CNTNAP2: variants seen among roughly 807,000 people sequenced by gnomAD.
CNTNAP2 encodes contactin-associated protein-like 2.
CNTNAP2 carries 98 observed loss-of-function variants against 155.2 expected under a neutral mutation model. The observed-to-expected ratio is 0.63, with a 90% confidence interval of 0.54 to 0.75. The LOEUF is 0.75. Among genes scored for constraint, CNTNAP2 ranks in the 30% least tolerant of loss-of-function variants. CNTNAP2 has a pLI of 0.00. For synonymous variants in CNTNAP2, 651 were observed against 631.2 expected (o/e 1.03, Z -0.47); for missense variants, 1,727 against 1,688.1 (o/e 1.02, Z -0.40).
chr7:148,315,345 T>C (rs1797669847), intron 21 of CNTNAP2, among the ~76,000 whole-genome samples: 1 of 151,786 alleles, frequency 6.6e-6, no homozygotes, highest in African/African-American at 2.4e-5. Flanking sequence ...TTTATAAGAT[T>C]TGGGTAGGTA....
intron 1 of CNTNAP2, among the ~76,000 whole-genome samples, chr7:146,224,448 C>CA (rs1395248660): frequency 1.3e-5 from 2 of 150,664 alleles, no homozygotes; most frequent in Admixed American, 6.6e-5. Context: ...AAAAAAAACC[C>CA]AAAAAACTAA....
chr7:148,345,119 G>T (rs1296742044), intron 21 of CNTNAP2, among the ~76,000 whole-genome samples: 2 of 152,140 alleles, frequency 1.3e-5, no homozygotes, highest in Admixed American at 1.3e-4. Flanking sequence ...GAATTGGGAC[G>T]TTTAGCCTGA....
intron 11 of CNTNAP2, among the ~76,000 whole-genome samples, chr7:147,561,219 T>A (rs1376666945): frequency 6.6e-6 from 1 of 152,166 alleles, no homozygotes; most frequent in Non-Finnish European, 1.5e-5. Context: ...CAACAACCCC[T>A]AAGGAGTGTA....
chr7:147,712,895 A>AC (rs200236694), intron 13 of CNTNAP2, among the ~76,000 whole-genome samples: 2,506 of 152,254 alleles, frequency 0.016, 223 homozygotes, highest in Admixed American at 0.15. Flanking sequence ...AAGTATAATA[A>AC]TAAAAAAATT....
chr7:148,153,145 G>A (rs1009274069), intron 17 of CNTNAP2, among the ~76,000 whole-genome samples: 8 of 151,340 alleles, frequency 5.3e-5, no homozygotes, highest in South Asian at 4.2e-4. Context: ...GAAGCAGGAC[G>A]GAGTCAGCCA....
intron 1 of CNTNAP2, among the ~76,000 whole-genome samples, chr7:146,122,711 A>G (rs1797581714): frequency 6.6e-6 from 1 of 152,148 alleles, no homozygotes; most frequent in Non-Finnish European, 1.5e-5. Flanking sequence ...ATTATTTTAC[A>G]GAGATGCTTA....
At position 147,963,162 on chromosome 7, in the gene CNTNAP2, T is replaced by C. The variant is rs530035317; in HGVS notation, c.2256-14700T>C. Among the ~76,000 whole-genome samples the C allele has an allele frequency of 2.6e-5, 4 of 152,166 alleles. No individual in the cohort carries two copies. The South Asian group carries it at 8.3e-4, about 32-fold the overall frequency. Reference sequence around the variant, plus strand: ...GTAAAGAGGACATAATTATAAAGAGTATTACATCACTAGAGTTAGATTTTT... The same window carrying C: ...GTAAAGAGGACATAATTATAAAGAGCATTACATCACTAGAGTTAGATTTTT... On this transcript the variant is annotated intron_variant, in intron 14 of 23. Transcript: ENST00000361727.
intron 3 of CNTNAP2, among the ~76,000 whole-genome samples, chr7:146,876,740 C>G (rs1795437045): frequency 6.6e-6 from 1 of 152,100 alleles, no homozygotes; most frequent in Non-Finnish European, 1.5e-5. Context: ...TGTTGATTAT[C>G]AGGTCAACAA....
At chr7:148,123,701 AG>A in intron 16 of CNTNAP2, among the ~76,000 whole-genome samples, 49 of 151,580 alleles carry the variant, frequency 3.2e-4, no homozygotes, top group African/African-American at 1.1e-3. Flanking sequence ...AAAGAGAAAG[AG>A]AGAAACAGAG....
chr7:147,662,686 A>G (rs1475548052), intron 13 of CNTNAP2, among the ~76,000 whole-genome samples: 1 of 152,138 alleles, frequency 6.6e-6, no homozygotes, highest in East Asian at 1.9e-4. Context: ...TTAATAGTTC[A>G]TTATTTCTGT....
chr7:146,198,597 G>A (rs539962613), intron 1 of CNTNAP2, among the ~76,000 whole-genome samples: 13 of 152,200 alleles, frequency 8.5e-5, no homozygotes, highest in African/African-American at 1.4e-4. Flanking sequence ...AACCATCTAC[G>A]TTATGGTATC....
chr7:146,381,246 T>G (rs10224007), intron 1 of CNTNAP2, among the ~76,000 whole-genome samples: 14,172 of 152,280 alleles, frequency 0.093, 731 homozygotes, highest in Middle Eastern at 0.14. Flanking sequence ...GACCTGAGAT[T>G]GCTACATAGG....
chr7:146,891,576 A>C (rs759996619), intron 3 of CNTNAP2, among the ~76,000 whole-genome samples: 2 of 152,176 alleles, frequency 1.3e-5, no homozygotes, highest in African/African-American at 2.4e-5. Context: ...TTTTTTTGGC[A>C]GTCCCAAGTA....
Position 146,839,784 on chromosome 7 carries a change from G to T in CNTNAP2, c.282G>T (p.Gln94His), listed in dbSNP as rs142185444. The change falls in exon 3 of 24, where the codon CAG (glutamine) becomes CAT (histidine). Residue 94 changes from glutamine (Q) to histidine (H), a missense_variant. Gln to His is a conservative substitution (Grantham distance 24, BLOSUM62 0). Transcript: ENST00000361727. ...AGGTTGACTTTGGCAATCGGAAGCA[G>T]ATCAGTGCCATTGCAACCCAAGGAA... ...WLQVDFGNRK[Q>H]ISAIATQGRY... 14 of 1,614,178 alleles carry T rather than the reference G, an allele frequency of 8.7e-6. No homozygotes were observed. In the African/African-American group the frequency reaches 1.9e-4, roughly 22 times the overall value.
intron 3 of CNTNAP2, among the ~76,000 whole-genome samples, chr7:146,933,238 A>T (rs916935076): frequency 6.6e-6 from 1 of 152,040 alleles, no homozygotes; most frequent in Non-Finnish European, 1.5e-5. Flanking sequence ...ACCAAAATAG[A>T]GATATAGATC....
At chr7:147,950,519 A>C (rs1019493600) in intron 14 of CNTNAP2, among the ~76,000 whole-genome samples, 2 of 152,016 alleles carry the variant, frequency 1.3e-5, no homozygotes, top group African/African-American at 4.8e-5. Flanking sequence ...CTGTTATAAT[A>C]CCCTTGGGCA....
At chr7:146,228,250 A>G (rs1382481221) in intron 1 of CNTNAP2, among the ~76,000 whole-genome samples, 1 of 152,216 alleles carries the variant, frequency 6.6e-6, no homozygotes. Flanking sequence ...GTTTAGTAGT[A>G]AACACTTTCA....
At chr7:148,008,264 C>T (rs1032066164) in intron 15 of CNTNAP2, among the ~76,000 whole-genome samples, 11 of 151,870 alleles carry the variant, frequency 7.2e-5, no homozygotes, top group Non-Finnish European at 2.9e-5. Flanking sequence ...CCCAGCTACT[C>T]GGGAAGCTGA....
At chr7:146,555,335 TAA>T (rs1223796152) in intron 1 of CNTNAP2, among the ~76,000 whole-genome samples, 1 of 152,218 alleles carries the variant, frequency 6.6e-6, no homozygotes, top group Non-Finnish European at 1.5e-5. Flanking sequence ...TAGACTAACA[TAA>T]GACTTTATCT....
Sources: allele counts gnomAD v4.1 joint callset (sites outside exome capture counted in the v4.1 genomes callset), GRCh38; gene constraint gnomAD v4.1.1; transcripts MANE v1.5; gene names NCBI Gene and HGNC (gene_info 2026-07-23, HGNC 2026-07-21).